PTPRD: variants seen among roughly 807,000 people sequenced by gnomAD.
PTPRD encodes protein tyrosine phosphatase receptor type D.
In PTPRD, 34 loss-of-function variants were observed where a neutral mutation model predicts 214.5. That is an observed-to-expected ratio of 0.16 (90% CI 0.12 to 0.21). PTPRD has a LOEUF of 0.21. Ranked by LOEUF, PTPRD falls within the 10% of genes least tolerant of loss-of-function variation. The probability of loss-of-function intolerance (pLI) is 1.00; values close to 1 mark genes in which losing one functional copy is unlikely to be tolerated. For synonymous variants in PTPRD, 1,128 were observed against 845.7 expected, an observed-to-expected ratio of 1.33 and a Z score of -5.79; for missense variants, 2,545 against 2,398.7, an observed-to-expected ratio of 1.06 and a Z score of -1.27.
chr9:9,626,250 G>T (rs1435984008), intron 7 of PTPRD, among the ~76,000 whole-genome samples: 1 of 152,154 alleles, frequency 6.6e-6, no homozygotes. Flanking sequence ...TCTGCCGGTG[G>T]TAGTGCAGTG....
intron 4 of PTPRD, among the ~76,000 whole-genome samples, chr9:10,018,992 C>G (rs922445217): frequency 6.6e-6 from 1 of 152,112 alleles, no homozygotes; most frequent in Admixed American, 6.5e-5. Flanking sequence ...GAACAGGCAA[C>G]CTACAGAATG....
chr9:8,419,864 C>A (rs984734988), intron 35 of PTPRD, among the ~76,000 whole-genome samples: 1 of 152,048 alleles, frequency 6.6e-6, no homozygotes, highest in Admixed American at 6.6e-5. Context: ...GTTTTCCCTA[C>A]AGCGGGTCCA....
chr9:8,753,803 G>C (rs4740961), intron 11 of PTPRD, among the ~76,000 whole-genome samples: 2,134 of 152,260 alleles, frequency 0.014, 22 homozygotes, highest in Admixed American at 0.034. Flanking sequence ...ATAAATTAAA[G>C]AAGACTTAAA....
chr9:10,466,623 CAAAAAAAAAAAAAAAA>C (rs66705572), intron 2 of PTPRD, among the ~76,000 whole-genome samples: 4 of 76,874 alleles, frequency 5.2e-5, no homozygotes, highest in African/African-American at 5.8e-5. Flanking sequence ...AACTCCAACT[CAAAAAAAAAAAAAAAA>C]AAAAAAAAAA....
At chr9:8,559,415 T>A (rs1296140025) in intron 14 of PTPRD, among the ~76,000 whole-genome samples, 3 of 152,246 alleles carry the variant, frequency 2.0e-5, no homozygotes, top group African/African-American at 7.2e-5. Context: ...TATTGTATCA[T>A]GTGCAATCAA....
chr9:9,692,570 A>G (rs1290501001), intron 7 of PTPRD, among the ~76,000 whole-genome samples: 1 of 151,584 alleles, frequency 6.6e-6, no homozygotes, highest in Admixed American at 6.6e-5. Context: ...TGATTTCTTC[A>G]GTTTTGTTCT....
chr9:8,646,309 T>A (rs1222573897), intron 12 of PTPRD, among the ~76,000 whole-genome samples: 1 of 152,236 alleles, frequency 6.6e-6, no homozygotes, highest in Non-Finnish European at 1.5e-5. Flanking sequence ...CTTTTCGTTC[T>A]TTGAGTTTTG....
intron 10 of PTPRD, among the ~76,000 whole-genome samples, chr9:9,150,496 A>G (rs919967038): frequency 6.8e-6 from 1 of 147,944 alleles, no homozygotes; most frequent in Non-Finnish European, 1.5e-5. Flanking sequence ...ATATGTATAT[A>G]TATATTTTTT....
intron 7 of PTPRD, among the ~76,000 whole-genome samples, chr9:9,727,388 T>A (rs888225263): frequency 1.3e-5 from 2 of 152,012 alleles, no homozygotes; most frequent in Admixed American, 6.6e-5. Context: ...ATGTCAAGGG[T>A]GCAATGAGCC....
At chr9:8,383,149 G>A (rs2135347288) in intron 37 of PTPRD, among the ~76,000 whole-genome samples, 1 of 152,294 alleles carries the variant, frequency 6.6e-6, no homozygotes, top group Non-Finnish European at 1.5e-5. Flanking sequence ...TGTTTTATAG[G>A]AAAAGAAGAA....
chr9:9,478,646 TGTAA>T (rs1409659881), intron 8 of PTPRD, among the ~76,000 whole-genome samples: 2 of 152,224 alleles, frequency 1.3e-5, no homozygotes, highest in Non-Finnish European at 2.9e-5. Flanking sequence ...GTTAGCCTTT[TGTAA>T]GTGTTAATGC....
intron 7 of PTPRD, among the ~76,000 whole-genome samples, chr9:9,731,637 A>G (rs1266030781): frequency 6.6e-6 from 1 of 152,100 alleles, no homozygotes; most frequent in Non-Finnish European, 1.5e-5. Context: ...GCAGCCATAA[A>G]AAAGGATGAG....
At chr9:8,490,376 T>A (rs183132636) in intron 27 of PTPRD, among the ~76,000 whole-genome samples, 41 of 152,322 alleles carry the variant, frequency 2.7e-4, no homozygotes, top group African/African-American at 9.9e-4. Context: ...TCATTGGAGA[T>A]CAACCGAGGT....
chr9:9,224,242 T>C (rs567462987), intron 9 of PTPRD, among the ~76,000 whole-genome samples: 6 of 152,034 alleles, frequency 3.9e-5, no homozygotes, highest in Non-Finnish European at 8.8e-5. Context: ...TGACTCCTGC[T>C]TTAGTGAAGT....
At chr9:8,826,138 T>A (rs921708184) in intron 11 of PTPRD, among the ~76,000 whole-genome samples, 25 of 152,062 alleles carry the variant, frequency 1.6e-4, no homozygotes, top group African/African-American at 5.3e-4. Flanking sequence ...TTCTTCCCAA[T>A]CTTCCTCCTC....
At chr9:9,901,005 A>G (rs1181926529) in intron 5 of PTPRD, among the ~76,000 whole-genome samples, 2 of 152,178 alleles carry the variant, frequency 1.3e-5, no homozygotes, top group Non-Finnish European at 2.9e-5. Flanking sequence ...CTTTATAAAG[A>G]AAAGAGGTTT....
intron 11 of PTPRD, among the ~76,000 whole-genome samples, chr9:8,833,760 A>G (rs2097352011): frequency 6.9e-6 from 1 of 144,840 alleles, no homozygotes; most frequent in Non-Finnish European, 1.5e-5. Flanking sequence ...TTCTATATAT[A>G]TTATATATAT....
At chr9:9,873,544 G>C (rs970301384) in intron 5 of PTPRD, among the ~76,000 whole-genome samples, 1 of 151,914 alleles carries the variant, frequency 6.6e-6, no homozygotes, top group Non-Finnish European at 1.5e-5. Context: ...CAGAGTCCAA[G>C]GAGGAGGGCA....
chr9:10,144,626 C>A (rs1005075396), intron 3 of PTPRD, among the ~76,000 whole-genome samples: 1 of 152,090 alleles, frequency 6.6e-6, no homozygotes, highest in Admixed American at 6.6e-5. Flanking sequence ...CTGGAGAGCA[C>A]AAGCCTTCTT....
Sources: allele counts gnomAD v4.1 joint callset (sites outside exome capture counted in the v4.1 genomes callset), GRCh38; gene constraint gnomAD v4.1.1; transcripts MANE v1.5; gene names NCBI Gene and HGNC (gene_info 2026-07-23, HGNC 2026-07-21).